Variants in PRKN observed in about 807,000 individuals in gnomAD.
PRKN encodes the protein E3 ubiquitin-protein ligase parkin.
Under a neutral mutation model 59.5 loss-of-function variants are expected in PRKN, and 56 were observed. That is an observed-to-expected ratio of 0.94 (90% CI 0.76 to 1.18). The LOEUF (loss-of-function observed/expected upper bound fraction) is 1.18. Among genes scored for constraint, PRKN ranks in the 50% most tolerant of loss-of-function variants. The probability of loss-of-function intolerance (pLI) is 0.00; values close to 1 mark genes in which losing one functional copy is unlikely to be tolerated. For missense variants in PRKN, 657 were observed against 596.4 expected (o/e 1.10, Z -1.06); for synonymous variants, 250 against 222.1 (o/e 1.13, Z -1.12).
chr6:161,667,535 T>C (rs1275134351), intron 7 of PRKN, among the ~76,000 whole-genome samples: 1 of 152,224 alleles, frequency 6.6e-6, no homozygotes, highest in African/African-American at 2.4e-5. Flanking sequence ...GTTAATATCC[T>C]TGTTAGAGGG....
intron 1 of PRKN, among the ~76,000 whole-genome samples, chr6:162,445,414 C>T (rs1011744162): frequency 6.6e-6 from 1 of 152,106 alleles, no homozygotes; most frequent in Admixed American, 6.5e-5. Context: ...AGGCCAGGCA[C>T]AATGGCTCAA....
chr6:161,773,122 C>T (rs1789764754), intron 7 of PRKN, among the ~76,000 whole-genome samples: 1 of 152,184 alleles, frequency 6.6e-6, no homozygotes, highest in African/African-American at 2.4e-5. Flanking sequence ...ACGGAGGCTT[C>T]TGGGCTGCTG....
rs544782573 is a variant in PRKN at position 162,110,734 on chromosome 6, G to A, written c.535-56560C>T. Reference sequence around the variant, plus strand: ...CCTTTTGAGTATGAAACTCACAAGGGAGAGACTTTATCAGATCAGATGCTA... The same window carrying A: ...CCTTTTGAGTATGAAACTCACAAGGAAGAGACTTTATCAGATCAGATGCTA... On this transcript the variant is annotated intron_variant, in intron 4 of 11. Transcript: ENST00000366898. Among the ~76,000 whole-genome samples the A allele has an allele frequency of 2.6e-5, 4 of 152,266 alleles. No homozygotes were observed. The East Asian group carries it at 7.8e-4, about 30-fold the overall frequency.
intron 6 of PRKN, among the ~76,000 whole-genome samples, chr6:161,897,655 T>C (rs1245890415): frequency 6.6e-6 from 1 of 152,162 alleles, no homozygotes; most frequent in Non-Finnish European, 1.5e-5. Context: ...CTACCCTCTG[T>C]GATAATTTAT....
intron 6 of PRKN, among the ~76,000 whole-genome samples, chr6:161,944,134 G>A (rs5011907): frequency 0.32 from 28,254 of 89,358 alleles, 7,762 homozygotes; most frequent in Middle Eastern, 0.45. Context: ...CAGCCTGAGG[G>A]ATCAGCCTGA....
At chr6:162,683,987 C>T (rs1308587094) in intron 1 of PRKN, among the ~76,000 whole-genome samples, 3 of 152,042 alleles carry the variant, frequency 2.0e-5, no homozygotes, top group East Asian at 3.9e-4. Flanking sequence ...AATAAGAATG[C>T]AATTCACCAA....
At chr6:162,119,979 T>A (rs778397971) in intron 4 of PRKN, among the ~76,000 whole-genome samples, 15 of 152,144 alleles carry the variant, frequency 9.9e-5, no homozygotes, top group Non-Finnish European at 1.5e-4. Flanking sequence ...ATCTTTTTAG[T>A]TCTTCAGGCC....
rs1302492983 is a variant in PRKN at position 161,471,852 on chromosome 6, C to A, written c.1083+77002G>T. ...AAGATTAAATTAATCTAAGGTAACA[C>A]TAATAGAAAAATACAGCATAAACTG... On this transcript the variant is annotated intron_variant, in intron 9 of 11. Transcript: ENST00000366898. The surrounding 1 kb of genome is among the most constrained non-coding windows in gnomAD (Gnocchi z 4.5). 6.6e-6 allele frequency among the ~76,000 whole-genome samples: 1 copy of A among 152,006 alleles called. No homozygotes were observed. Among genetic ancestry groups the A allele is most frequent in the Non-Finnish European group, 1.5e-5 (1 of 67,996 alleles).
At chr6:161,987,457 A>G (rs1413278619) in intron 5 of PRKN, among the ~76,000 whole-genome samples, 1 of 152,146 alleles carries the variant, frequency 6.6e-6, no homozygotes, top group Non-Finnish European at 1.5e-5. Context: ...CAGACAGCAA[A>G]ATCTGCAGAT....
chr6:162,003,515 A>T (rs759337293), intron 5 of PRKN, among the ~76,000 whole-genome samples: 4 of 152,160 alleles, frequency 2.6e-5, no homozygotes, highest in Non-Finnish European at 4.4e-5. Context: ...GGTGGTAGAC[A>T]TATACCCTTG....
At chr6:162,401,052 T>C (rs1787768587) in intron 2 of PRKN, among the ~76,000 whole-genome samples, 1 of 152,202 alleles carries the variant, frequency 6.6e-6, no homozygotes, top group South Asian at 2.1e-4. Context: ...GCTGTGCATC[T>C]GAACTGATGC....
chr6:162,613,133 C>T (rs1003723103), intron 1 of PRKN, among the ~76,000 whole-genome samples: 2 of 152,120 alleles, frequency 1.3e-5, no homozygotes, highest in Non-Finnish European at 2.9e-5. Context: ...ATAACTTCCC[C>T]ATGGTCTCTC....
intron 2 of PRKN, among the ~76,000 whole-genome samples, chr6:162,337,427 C>T (rs998196335): frequency 6.6e-6 from 1 of 152,094 alleles, no homozygotes; most frequent in Non-Finnish European, 1.5e-5. Flanking sequence ...ACATTTGGAC[C>T]CATTCTTTAG....
chr6:162,536,970 C>T (rs1267540745), intron 1 of PRKN, among the ~76,000 whole-genome samples: 2 of 151,966 alleles, frequency 1.3e-5, no homozygotes, highest in East Asian at 3.9e-4. Context: ...GGTTGTTGAC[C>T]AATTGTATGT....
chr6:162,259,082 T>C (rs1040083988), intron 3 of PRKN, among the ~76,000 whole-genome samples: 9 of 152,166 alleles, frequency 5.9e-5, no homozygotes, highest in African/African-American at 2.2e-4. Flanking sequence ...GCACAGAAAA[T>C]TGGGATTTCT....
At chr6:162,533,746 G>A (rs1456241936) in intron 1 of PRKN, among the ~76,000 whole-genome samples, 4 of 151,862 alleles carry the variant, frequency 2.6e-5, no homozygotes, top group African/African-American at 7.3e-5. Flanking sequence ...CGAGGCGGGC[G>A]GATCACCTGA....
At chr6:162,065,099 G>A (rs1427543578) in intron 4 of PRKN, among the ~76,000 whole-genome samples, 1 of 152,216 alleles carries the variant, frequency 6.6e-6, no homozygotes, top group East Asian at 1.9e-4. Flanking sequence ...TTATTAGGGA[G>A]AATTGGCTCA....
rs933281712 is a variant in PRKN, at chr6:161,527,114, C to T, written c.1083+21740G>A. Among the ~76,000 whole-genome samples the T allele has an allele frequency of 2.0e-5, 3 of 152,194 alleles. No homozygotes were observed. The highest frequency in any genetic ancestry group is 7.2e-5 in the African/African-American group (3 of 41,446). On this transcript the variant is annotated intron_variant, in intron 9 of 11. Transcript: ENST00000366898. The surrounding 1 kb of genome is among the most constrained non-coding windows in gnomAD (Gnocchi z 4.6). ...AAGGTATCACCTCCAATCTTACCTC[C>T]TGTGATAAGATCTTCTCTGTTTCAT... is the stretch of plus-strand genomic sequence containing the variant.
intron 1 of PRKN, among the ~76,000 whole-genome samples, chr6:162,510,538 G>A (rs74778695): frequency 0.044 from 6,731 of 152,242 alleles, 296 homozygotes; most frequent in African/African-American, 0.11. Flanking sequence ...AAGACATCCA[G>A]CTCTGAGCCC....
Sources: allele counts gnomAD v4.1 joint callset (sites outside exome capture counted in the v4.1 genomes callset), GRCh38; gene constraint gnomAD v4.1.1; non-coding constraint Gnocchi (gnomAD v3.1); transcripts MANE v1.5; gene names NCBI Gene and HGNC (gene_info 2026-07-23, HGNC 2026-07-21).